The following GAB3 variants were observed in gnomAD, a reference collection of about 807,000 sequenced individuals.
The protein encoded by GAB3 is GRB2 associated binding protein 3.
In GAB3, 12 loss-of-function variants were observed where a neutral mutation model predicts 40.4. That is an observed-to-expected ratio of 0.30 (90% confidence interval 0.19 to 0.48). The LOEUF (loss-of-function observed/expected upper bound fraction) is 0.48, where lower values mean the gene tolerates loss of function less well. GAB3 is among the 20% of genes least tolerant of loss of function. The pLI is 0.99. For missense variants in GAB3, 381 were observed against 461.9 expected (o/e 0.82, Z 1.61); for synonymous variants, 154 against 176.7 (o/e 0.87, Z 1.02).
In GAB3 at chrX:154,712,336, C is replaced by T. The variant is rs2070962448; in HGVS notation, c.962G>A (p.Arg321Gln). 14 of 1,211,515 alleles carry T rather than the reference C, an allele frequency of 1.2e-5. No individual in the cohort carries two copies. The highest frequency in any genetic ancestry group is 1.6e-5 in the Non-Finnish European group (14 of 895,195). ...GTGTGTACTCCACTCCTCTTGGCGC[C>T]GTTCAGACAGATGGCTTGGCTTAGG... ...RPPKPSHLSE[R>Q]RQEEWSTHSG... The change falls in exon 4 of 10, where the codon CGG becomes CAG. Residue 321 changes from arginine to glutamine, a missense_variant. Transcript: ENST00000424127.
intron 4 of GAB3, among the ~76,000 whole-genome samples, chrX:154,703,476 G>A (rs2070765556): frequency 9.0e-6 from 1 of 110,877 alleles, no homozygotes; most frequent in Admixed American, 9.6e-5. Context: ...CACATAGAGG[G>A]GAGCAATAGA....
intron 1 of GAB3, among the ~76,000 whole-genome samples, chrX:154,716,664 C>G (rs2071050734): frequency 8.9e-6 from 1 of 112,377 alleles, no homozygotes; most frequent in Non-Finnish European, 1.9e-5. Flanking sequence ...CAATAAAGAA[C>G]TAGAAGGAAG....
chrX:154,744,285 C>T (rs1307397259), intron 1 of GAB3, among the ~76,000 whole-genome samples: 1 of 98,668 alleles, frequency 1.0e-5, no homozygotes, highest in East Asian at 3.4e-4. Flanking sequence ...ATATAAGAAA[C>T]CTACATCAAA....
At chrX:154,685,446 T>C (rs1437142252) in intron 8 of GAB3, among the ~76,000 whole-genome samples, 1 of 111,439 alleles carries the variant, frequency 9.0e-6, no homozygotes, top group Non-Finnish European at 1.9e-5. Flanking sequence ...AAGTGTTCCA[T>C]CAAATTTTAA....
At position 154,700,027 on chromosome X, in the gene GAB3, C is replaced by T; in HGVS notation, c.1102G>A (p.Asp368Asn). 2 of 1,209,215 alleles carry T rather than the reference C, an allele frequency of 1.7e-6. No homozygotes were observed. The highest frequency in any genetic ancestry group is 2.2e-6 in the Non-Finnish European group (2 of 894,117). The change falls in exon 5 of 10, where the codon GAC (aspartate) becomes AAC (asparagine). Residue 368 changes from aspartate (D) to asparagine (N), a missense_variant. Physicochemically the swap from Asp to Asn is conservative, Grantham distance 23. Coordinates refer to ENST00000424127, the MANE Select transcript of GAB3 (RefSeq NM_001081573.3). ...DVEGQSLRHRDKRLSLNLPCR... is the reference protein window; with the variant it reads ...DVEGQSLRHRNKRLSLNLPCR... ...ACCAAATTCAAACTAAGCCGCTTGTCTCGGTGTCTTAAGGATTGGCCTTCT... is the reference window on the plus strand; with the variant it reads ...ACCAAATTCAAACTAAGCCGCTTGTTTCGGTGTCTTAAGGATTGGCCTTCT...
intron 7 of GAB3, 57 bp downstream of exon 7, chrX:154,697,075 C>T: frequency 1.0e-6 from 1 of 973,286 alleles, no homozygotes; most frequent in Non-Finnish European, 1.5e-6. Context: ...AATCAGAGGC[C>T]TAACACACAC....
rs191982441 is a variant in GAB3 at position 154,747,926 on chromosome X, G to A, written c.72+3028C>T. Among the ~76,000 whole-genome samples the A allele has an allele frequency of 2.7e-5, 3 of 112,228 alleles. No individual in the cohort carries two copies. In the East Asian group the frequency reaches 8.3e-4, roughly 31 times the overall value. ...ATTTGCAAATTAAATATGCAACAAA[G>A]AACCTATATCCAGAGAACCTATATC... On this transcript the variant is annotated intron_variant, in intron 1 of 9. Transcript: ENST00000424127.
chrX:154,696,218 C>A, intron 7 of GAB3, 199 bp from the exon 8 acceptor site: 2 of 239,597 alleles, frequency 8.3e-6, no homozygotes, highest in Non-Finnish European at 1.5e-5. Context: ...TCCCAATTCA[C>A]AAAGGCTGCT....
At chrX:154,747,891 G>T (rs782340757) in intron 1 of GAB3, among the ~76,000 whole-genome samples, 5 of 112,309 alleles carry the variant, frequency 4.5e-5, no homozygotes, top group Admixed American at 1.9e-4. Flanking sequence ...ACTATGGGCT[G>T]CTAGAAAATA....
chrX:154,735,938 A>T (rs1053184796), intron 1 of GAB3, among the ~76,000 whole-genome samples: 1 of 112,250 alleles, frequency 8.9e-6, no homozygotes, highest in Non-Finnish European at 1.9e-5. Flanking sequence ...TACATTGTCC[A>T]TCCCCTCCCA....
intron 4 of GAB3, among the ~76,000 whole-genome samples, chrX:154,702,961 C>T (rs1024695130): frequency 1.8e-5 from 2 of 112,033 alleles, no homozygotes; most frequent in Non-Finnish European, 3.8e-5. Flanking sequence ...TGCCATCCCA[C>T]ACCAGTCAGA....
chrX:154,713,156 G>C, intron 3 of GAB3, 51 bp downstream of exon 3: 1 of 1,024,142 alleles, frequency 9.8e-7, no homozygotes, highest in Non-Finnish European at 1.4e-6. Context: ...TGTGACTCTA[G>C]AGAGCATGCT....
At chrX:154,709,734 T>C (rs1557255132) in intron 4 of GAB3, among the ~76,000 whole-genome samples, 1 of 111,690 alleles carries the variant, frequency 9.0e-6, no homozygotes, top group African/African-American at 3.3e-5. Context: ...AAATGTGGTA[T>C]ATATTCAGAA....
Position 154,680,230 on chromosome X carries a change from T to G in GAB3, c.1549A>C (p.Ser517Arg). 8.3e-7 allele frequency: 1 copy of G among 1,205,291 alleles called. No individual in the cohort carries two copies. Among genetic ancestry groups the G allele is most frequent in the Non-Finnish European group, 1.1e-6 (1 of 890,480 alleles). ...YIEMEEHRTA[S>R]SLSSGALTWT... is the part of the protein sequence containing the mutation. ...GTAAGGGCACCACTGCTCAGGGAACTGGCTGTTCGGTGCTCCTCCTAGGAA... is the reference window on the plus strand; with the variant it reads ...GTAAGGGCACCACTGCTCAGGGAACGGGCTGTTCGGTGCTCCTCCTAGGAA... Residue 517 changes from serine (S) to arginine (R), a missense_variant, in exon 9 of 10, where the codon AGT becomes CGT. Physicochemically the swap from Ser to Arg is moderately radical, Grantham distance 110 (BLOSUM62 -1). Around this residue, in one of 2 missense-constraint regions of GAB3, gnomAD observed 364 missense variants for 421.0 expected, o/e 0.86. Coordinates refer to ENST00000424127, the MANE Select transcript of GAB3 (RefSeq NM_001081573.3).
At chrX:154,692,023 G>T (rs2070578433) in intron 8 of GAB3, among the ~76,000 whole-genome samples, 1 of 111,700 alleles carries the variant, frequency 9.0e-6, no homozygotes, top group Non-Finnish European at 1.9e-5. Flanking sequence ...ACTCAAAAAA[G>T]ATCAAAGATC....
chrX:154,749,121 C>A (rs1018139368), intron 1 of GAB3, among the ~76,000 whole-genome samples: 1 of 111,344 alleles, frequency 9.0e-6, no homozygotes. Context: ...CTAGTCACTG[C>A]CCCATCATCA....
At chrX:154,736,228 G>A (rs1408887912) in intron 1 of GAB3, among the ~76,000 whole-genome samples, 2 of 112,470 alleles carry the variant, frequency 1.8e-5, no homozygotes, top group Non-Finnish European at 3.8e-5. Context: ...AACCCATGAC[G>A]CAGGACATTA....
At chrX:154,703,290 T>C (rs1438864725) in intron 4 of GAB3, among the ~76,000 whole-genome samples, 1 of 112,178 alleles carries the variant, frequency 8.9e-6, no homozygotes, top group Non-Finnish European at 1.9e-5. Context: ...GAAAATGTGG[T>C]CCATATACAC....
At chrX:154,706,247 C>T (rs1235859828) in intron 4 of GAB3, among the ~76,000 whole-genome samples, 5 of 110,450 alleles carry the variant, frequency 4.5e-5, no homozygotes, top group Non-Finnish European at 7.6e-5. Flanking sequence ...GAAACCCCAT[C>T]TCTACTAATA....
Sources: gnomAD v4.1 joint callset for allele counts (sites outside exome capture counted in the v4.1 genomes callset) on GRCh38, gnomAD v4.1.1 for gene constraint, gnomAD v4.1.1 regional missense constraint, MANE v1.5 for transcripts, NCBI Gene and HGNC (gene_info 2026-07-23, HGNC 2026-07-21) for gene names.